ACAP2: variants seen among roughly 807,000 people sequenced by gnomAD.
The protein encoded by ACAP2 is ArfGAP with coiled-coil, ankyrin repeat and PH domains 2, also known as arf-GAP with coiled-coil, ANK repeat and PH domain-containing protein 2.
Under a neutral mutation model 115.8 loss-of-function variants are expected in ACAP2, and 39 were observed. That is an observed-to-expected ratio of 0.34 (90% CI 0.26 to 0.44). ACAP2 has a LOEUF of 0.44. ACAP2 is among the 20% of genes least tolerant of loss of function. The pLI is 1.00. For missense variants in ACAP2, 662 were observed against 927.6 expected (o/e 0.71, Z 3.72); for synonymous variants, 289 against 315.8 (o/e 0.92, Z 0.90).
chr3:195,335,845 T>C (rs954304477), intron 7 of ACAP2: 12 of 149,600 alleles, frequency 8.0e-5, no homozygotes, highest in African/African-American at 2.9e-4. Context: ...TATCAAAATA[T>C]AAAGAGTGCT....
intron 1 of ACAP2, among the ~76,000 whole-genome samples, chr3:195,416,132 G>C (rs569949728): frequency 9.3e-4 from 141 of 152,316 alleles, no homozygotes; most frequent in African/African-American, 3.2e-3. Flanking sequence ...AGGATCATGA[G>C]GTAAGGAGTT....
intron 20 of ACAP2, among the ~76,000 whole-genome samples, chr3:195,289,903 A>G (rs1432733815): frequency 1.3e-5 from 2 of 152,184 alleles, no homozygotes; most frequent in African/African-American, 4.8e-5. Context: ...GAAAATGAAG[A>G]AAGCCAAGGC....
At chr3:195,435,782 G>A (rs1458976046) in intron 1 of ACAP2, among the ~76,000 whole-genome samples, 1 of 152,086 alleles carries the variant, frequency 6.6e-6, no homozygotes, top group Non-Finnish European at 1.5e-5. Flanking sequence ...ACTCTATGCT[G>A]GAGGATACTT....
At chr3:195,372,276 A>C (rs1305254494) in intron 4 of ACAP2, among the ~76,000 whole-genome samples, 1 of 152,224 alleles carries the variant, frequency 6.6e-6, no homozygotes, top group Non-Finnish European at 1.5e-5. Context: ...CATTTCATTA[A>C]GAGAATAACA....
intron 1 of ACAP2, among the ~76,000 whole-genome samples, chr3:195,421,687 A>G (rs184616682): frequency 6.6e-6 from 1 of 152,328 alleles, no homozygotes; most frequent in Admixed American, 6.5e-5. Context: ...GTTTGAATTA[A>G]ACAGTTTTGT....
chr3:195,309,433 CTACTCAGGAGGCT>C (rs1054659011), intron 10 of ACAP2, among the ~76,000 whole-genome samples: 1 of 151,880 alleles, frequency 6.6e-6, no homozygotes, highest in African/African-American at 2.4e-5. Context: ...GTAATCCCAG[CTACTCAGGAGGCT>C]GAGGCAGGAG....
At chr3:195,346,159 A>T (rs2108657277) in intron 4 of ACAP2, among the ~76,000 whole-genome samples, 2 of 152,314 alleles carry the variant, frequency 1.3e-5, no homozygotes, top group Middle Eastern at 3.4e-3. Context: ...GGACTTTTCA[A>T]AATCTGTCAA....
chr3:195,382,876 A>G (rs542602163), intron 2 of ACAP2, among the ~76,000 whole-genome samples: 1 of 151,396 alleles, frequency 6.6e-6, no homozygotes, highest in African/African-American at 2.4e-5. Context: ...AAAACTATGC[A>G]TGGAAAAAAA....
chr3:195,398,539 A>G (rs1007489494), intron 1 of ACAP2, among the ~76,000 whole-genome samples: 1 of 151,990 alleles, frequency 6.6e-6, no homozygotes, highest in Non-Finnish European at 1.5e-5. Flanking sequence ...CGGGAGGCTG[A>G]GGCAGGAGAA....
At chr3:195,320,876 G>A in intron 9 of ACAP2, 63 bp from the exon 10 acceptor site, 1 of 1,101,210 alleles carries the variant, frequency 9.1e-7, no homozygotes, top group Non-Finnish European at 1.4e-6. Context: ...ACAAGAAATG[G>A]ATCCTAAGAA....
intron 1 of ACAP2, among the ~76,000 whole-genome samples, chr3:195,424,261 G>GTGTGTGTATA (rs1456909404): frequency 4.8e-4 from 26 of 54,668 alleles, no homozygotes; most frequent in South Asian, 2.8e-3. Context: ...GTGTGTGTGT[G>GTGTGTGTATA]TATATATATA....
At chr3:195,318,455 G>A (rs1299120696) in intron 10 of ACAP2, among the ~76,000 whole-genome samples, 2 of 152,226 alleles carry the variant, frequency 1.3e-5, no homozygotes, top group African/African-American at 2.4e-5. Context: ...TACGGATATG[G>A]ACAATGTAGT....
chr3:195,420,504 A>G (rs1353164716), intron 1 of ACAP2, among the ~76,000 whole-genome samples: 1 of 151,936 alleles, frequency 6.6e-6, no homozygotes, highest in Non-Finnish European at 1.5e-5. Context: ...GCGTGCCACC[A>G]CACCCGGCTA....
chr3:195,380,529 T>C (rs1052246883), intron 4 of ACAP2, among the ~76,000 whole-genome samples: 2 of 152,188 alleles, frequency 1.3e-5, no homozygotes, highest in African/African-American at 4.8e-5. Flanking sequence ...CCCTCATTCT[T>C]GAAGGATAAA....
intron 4 of ACAP2, among the ~76,000 whole-genome samples, chr3:195,379,613 C>G (rs2108748319): frequency 6.6e-6 from 1 of 152,142 alleles, no homozygotes; most frequent in African/African-American, 2.4e-5. Context: ...GGCAAAAGAA[C>G]AAGACCTCAT....
In ACAP2 at chr3:195,289,803, C is replaced by CAAAA. The variant is rs35498756; in HGVS notation, c.2064-576_2064-573dup. Among the ~76,000 whole-genome samples the CAAAA allele has an allele frequency of 2.7e-4, 30 of 111,952 alleles. No individual in the cohort carries two copies. The Middle Eastern group carries it at 0.014, about 53-fold the overall frequency. The allele number at this position is 111,952 out of a possible 152,430, so 73.4% of individuals were successfully genotyped here. A position where few individuals can be genotyped will look rare whatever the true frequency, so the allele number is the denominator to read the frequency against. On this transcript the variant is annotated intron_variant, in intron 20 of 22. Coordinates refer to ENST00000326793, the MANE Select transcript of ACAP2 (RefSeq NM_012287.6). ...CCTGGGCGAGAGCAAGACTCCGTCTCAAAAAAAAAAAAAAAAAGAATATCA... is the reference window on the plus strand; with the variant it reads ...CCTGGGCGAGAGCAAGACTCCGTCTCAAAAAAAAAAAAAAAAAAAAAGAATATCA...
At chr3:195,325,251 A>G (rs1376112711) in intron 9 of ACAP2, among the ~76,000 whole-genome samples, 1 of 152,116 alleles carries the variant, frequency 6.6e-6, no homozygotes, top group Non-Finnish European at 1.5e-5. Context: ...CTAACTCAGC[A>G]GTTTTACTCC....
intron 4 of ACAP2, among the ~76,000 whole-genome samples, chr3:195,365,416 A>G (rs1214226210): frequency 6.6e-6 from 1 of 152,196 alleles, no homozygotes; most frequent in Non-Finnish European, 1.5e-5. Context: ...AAAATTTTAA[A>G]TAAAAAAATG....
intron 1 of ACAP2, among the ~76,000 whole-genome samples, chr3:195,405,615 G>A (rs1156804527): frequency 2.6e-5 from 4 of 151,948 alleles, no homozygotes; most frequent in African/African-American, 9.7e-5. Flanking sequence ...GAACCCAGGA[G>A]GCGGAGGTTG....
Sources: gnomAD v4.1 joint callset for allele counts (sites outside exome capture counted in the v4.1 genomes callset) on GRCh38, gnomAD v4.1.1 for gene constraint, MANE v1.5 for transcripts, NCBI Gene and HGNC (gene_info 2026-07-23, HGNC 2026-07-21) for gene names.